UTP4: variants seen among roughly 807,000 people sequenced by gnomAD.
The protein encoded by UTP4 is U3 small nucleolar RNA-associated protein 4 homolog.
UTP4 carries 45 observed loss-of-function variants against 82.4 expected under a neutral mutation model. The observed-to-expected ratio is 0.55, with a 90% CI of 0.43 to 0.70. UTP4 has a LOEUF of 0.70. UTP4 is among the 30% of genes least tolerant of loss of function. The pLI is 0.00. For synonymous variants in UTP4, 348 were observed against 300.3 expected (o/e 1.16, Z -1.64); for missense variants, 819 against 858.3 (o/e 0.95, Z 0.57).
intron 6 of UTP4, among the ~76,000 whole-genome samples, chr16:69,149,441 T>C (rs1404927258): frequency 6.6e-6 from 1 of 151,878 alleles, no homozygotes; most frequent in Non-Finnish European, 1.5e-5. Flanking sequence ...TCCCAGCTAC[T>C]TGGGAGCCTG....
intron 8 of UTP4, among the ~76,000 whole-genome samples, chr16:69,151,109 C>A (rs536030447): frequency 2.0e-5 from 3 of 151,748 alleles, no homozygotes; most frequent in African/African-American, 7.3e-5. Context: ...CGGGTTCAAG[C>A]GATTCTCCTG....
chr16:69,137,717 T>G, intron 3 of UTP4, 84 bp from the exon 4 acceptor site: 2 of 789,142 alleles, frequency 2.5e-6, no homozygotes, highest in Non-Finnish European at 4.6e-6. Context: ...AGAGAGAGTG[T>G]GTGTTGGGGG....
At chr16:69,133,002 G>A (rs16958649) in intron 1 of UTP4, 14,612 of 232,206 alleles carry the variant, frequency 0.063, 689 homozygotes, top group African/African-American at 0.13. Context: ...GCGTCGGGGG[G>A]ACGGGGTAGG....
intron 8 of UTP4, among the ~76,000 whole-genome samples, chr16:69,152,358 T>C (rs1374680530): frequency 1.3e-5 from 2 of 152,064 alleles, no homozygotes; most frequent in Non-Finnish European, 2.9e-5. Flanking sequence ...TAATCTTGGC[T>C]CACTGTAACC....
In UTP4 at chr16:69,157,174, G is replaced by T. The variant is rs755008083; in HGVS notation, c.1378G>T (p.Ala460Ser). 1 of 1,614,204 alleles carries T rather than the reference G, an allele frequency of 6.2e-7. No individual in the cohort carries two copies. ...TKLFVASNQG[A>S]LHIVQLSGGS... ...GCTCTTTGTAGCATCAAATCAAGGA[G>T]CTCTGCATATTGTTCAGCTGTCAGG... Residue 460 changes from alanine to serine, a missense_variant, in exon 12 of 17, where the codon GCT (alanine) becomes TCT (serine). Transcript: ENST00000314423.
At chr16:69,162,417 A>G (rs1291765401) in intron 13 of UTP4, among the ~76,000 whole-genome samples, 2 of 151,764 alleles carry the variant, frequency 1.3e-5, no homozygotes, top group African/African-American at 4.8e-5. Flanking sequence ...TTCTACTAAA[A>G]ATACAAAAAT....
At chr16:69,159,602 G>C in intron 12 of UTP4, among the ~76,000 whole-genome samples, 1 of 151,540 alleles carries the variant, frequency 6.6e-6, no homozygotes, top group East Asian at 2.0e-4. Context: ...GCAGGAGAAT[G>C]GCTTGAACCC....
At chr16:69,143,630 A>C (rs1963028258) in intron 6 of UTP4, among the ~76,000 whole-genome samples, 1 of 152,244 alleles carries the variant, frequency 6.6e-6, no homozygotes, top group Admixed American at 6.5e-5. Flanking sequence ...GACACTGCTC[A>C]CTTCCAGTTC....
intron 14 of UTP4, among the ~76,000 whole-genome samples, chr16:69,164,304 G>A (rs1963642661): frequency 6.6e-6 from 1 of 151,966 alleles, no homozygotes; most frequent in South Asian, 2.1e-4. Flanking sequence ...ACACATCTTT[G>A]CCTTTGTCAC....
intron 12 of UTP4, among the ~76,000 whole-genome samples, chr16:69,159,217 C>T (rs1963502745): frequency 6.6e-6 from 1 of 152,142 alleles, no homozygotes; most frequent in East Asian, 1.9e-4. Context: ...GCTGGGATTA[C>T]AGGCACCCAC....
chr16:69,144,741 A>G (rs905232410), intron 6 of UTP4, among the ~76,000 whole-genome samples: 2 of 152,236 alleles, frequency 1.3e-5, no homozygotes, highest in African/African-American at 4.8e-5. Context: ...TGAAAAACAT[A>G]GATGTCACAC....
At position 69,135,050 on chromosome 16, in the gene UTP4, T is replaced by A. The variant is rs1962776777; in HGVS notation, c.159+1432T>A. On this transcript the variant is annotated intron_variant, in intron 2 of 16. Coordinates refer to ENST00000314423, the MANE Select transcript of UTP4 (RefSeq NM_032830.3). ...TTTTTTTTAACAGTCATGGCCATAT[T>A]ATGATTTTTCTGTTTGTCATTTGTA... Among the ~76,000 whole-genome samples, 5 of 151,678 alleles carry A rather than the reference T, an allele frequency of 3.3e-5. No homozygotes were observed. The South Asian group carries it at 1.0e-3, about 32-fold the overall frequency.
chr16:69,161,909 G>A (rs975000004), intron 13 of UTP4, among the ~76,000 whole-genome samples: 54 of 151,554 alleles, frequency 3.6e-4, no homozygotes, highest in East Asian at 2.5e-3. Flanking sequence ...CGTTCCTCCC[G>A]CCCTGGCCCT....
chr16:69,135,540 C>G (rs1272219679), intron 2 of UTP4, among the ~76,000 whole-genome samples: 1 of 151,840 alleles, frequency 6.6e-6, no homozygotes, highest in Non-Finnish European at 1.5e-5. Flanking sequence ...TAGTGAGACC[C>G]CATCCCTAAA....
intron 16 of UTP4, among the ~76,000 whole-genome samples, chr16:69,168,149 A>C (rs780344478): frequency 6.6e-6 from 1 of 152,156 alleles, no homozygotes; most frequent in Non-Finnish European, 1.5e-5. Flanking sequence ...AAAAGCTCCC[A>C]ATCTTGGCCG....
intron 13 of UTP4, 62 bp from the exon 14 acceptor site, chr16:69,163,021 C>A (rs1168395388): frequency 2.3e-6 from 3 of 1,279,454 alleles, no homozygotes; most frequent in African/African-American, 2.9e-5. Context: ...CTAGACCATT[C>A]AATCTTTGCT....
intron 12 of UTP4, 24 bp from the exon 13 acceptor site, chr16:69,160,332 G>T: frequency 6.3e-7 from 1 of 1,578,768 alleles, no homozygotes. Flanking sequence ...TGAATTCAGA[G>T]ATGTAACTGT....
rs573685876 is a variant in UTP4, at chr16:69,146,513, CATTCATCT to C, written c.738+3128_738+3135del. Among the ~76,000 whole-genome samples, 193 of 152,274 alleles carry C rather than the reference CATTCATCT, an allele frequency of 1.3e-3. No individual in the cohort carries two copies. The Middle Eastern group carries it at 0.014, about 11-fold the overall frequency. On this transcript the variant is annotated intron_variant, in intron 6 of 16. Coordinates refer to ENST00000314423, the MANE Select transcript of UTP4 (RefSeq NM_032830.3). ...TATTTGTGTGTGTGTTCTGTTTATC[CATTCATCT>C]ATTAGTGGACGTTTGGGTTGTTTCC... is the stretch of plus-strand genomic sequence containing the variant.
intron 6 of UTP4, among the ~76,000 whole-genome samples, chr16:69,150,312 A>G (rs1237291675): frequency 1.6e-4 from 25 of 152,144 alleles, no homozygotes; most frequent in Admixed American, 1.6e-3. Context: ...GCGTTGCTGT[A>G]CTGTAGACGT....
Sources: allele counts gnomAD v4.1 joint callset (sites outside exome capture counted in the v4.1 genomes callset), GRCh38; gene constraint gnomAD v4.1.1; transcripts MANE v1.5; gene names NCBI Gene and HGNC (gene_info 2026-07-23, HGNC 2026-07-21).